The following CCDC15 variants were observed in gnomAD, a reference collection of about 807,000 sequenced individuals.
CCDC15 encodes the protein coiled-coil domain-containing protein 15.
In CCDC15, 105 loss-of-function variants were observed where a neutral mutation model predicts 114.5. The ratio of observed to expected loss-of-function variants is 0.92; its 90% confidence interval spans 0.78 to 1.08. The LOEUF is 1.08. Ranked by LOEUF, CCDC15 falls within the 50% of genes least tolerant of loss-of-function variation. The pLI is 0.00. For missense variants in CCDC15, 1,105 were observed against 1,093.6 expected, an observed-to-expected ratio of 1.01 and a Z score of -0.15; for synonymous variants, 334 against 377.8, an observed-to-expected ratio of 0.88 and a Z score of 1.34.
At chr11:125,032,059 T>A (rs1321018384) in intron 13 of CCDC15, among the ~76,000 whole-genome samples, 1 of 152,062 alleles carries the variant, frequency 6.6e-6, no homozygotes, top group Non-Finnish European at 1.5e-5. Context: ...TTTAGTCAGA[T>A]TTTTTTTCCC....
At chr11:125,005,780 C>T (rs530947322) in intron 13 of CCDC15, among the ~76,000 whole-genome samples, 2 of 152,084 alleles carry the variant, frequency 1.3e-5, no homozygotes, top group Non-Finnish European at 2.9e-5. Context: ...TTTGCCTTTT[C>T]CAGAACGTCA....
chr11:125,005,056 T>C (rs927497675), intron 12 of CCDC15, 53 bp from the exon 13 acceptor site: 6 of 787,806 alleles, frequency 7.6e-6, no homozygotes, highest in Non-Finnish European at 8.0e-6. Flanking sequence ...TTTTTCTTCC[T>C]TGGAAATTCC....
chr11:124,967,637 C>G (rs528894445), intron 4 of CCDC15, among the ~76,000 whole-genome samples: 39 of 152,336 alleles, frequency 2.6e-4, no homozygotes, highest in African/African-American at 7.9e-4. Context: ...CTTCTGCCAA[C>G]TAGTCAAAGT....
intron 13 of CCDC15, among the ~76,000 whole-genome samples, chr11:125,025,026 AT>A (rs1948686498): frequency 1.0e-5 from 1 of 100,202 alleles, no homozygotes; most frequent in East Asian, 4.5e-4. Flanking sequence ...ATATATGAAT[AT>A]ATATATGAAT....
At chr11:125,038,900 G>A in intron 14 of CCDC15, 21 bp from the exon 15 acceptor site, 1 of 1,600,620 alleles carries the variant, frequency 6.2e-7, no homozygotes, top group African/African-American at 1.3e-5. Flanking sequence ...CACTTTGCCT[G>A]ATTATACTTT....
At chr11:124,986,236 C>T (rs1948154117) in intron 6 of CCDC15, among the ~76,000 whole-genome samples, 1 of 152,124 alleles carries the variant, frequency 6.6e-6, no homozygotes, top group South Asian at 2.1e-4. Flanking sequence ...ATTACAATGT[C>T]TTGATTCCTA....
At chr11:125,007,930 G>C (rs1591606719) in intron 13 of CCDC15, among the ~76,000 whole-genome samples, 1 of 152,198 alleles carries the variant, frequency 6.6e-6, no homozygotes, top group East Asian at 1.9e-4. Context: ...AACAGTGGGT[G>C]TGGCATGTAG....
chr11:124,970,597 G>A (rs1015582745), intron 4 of CCDC15, among the ~76,000 whole-genome samples: 27 of 152,250 alleles, frequency 1.8e-4, no homozygotes, highest in African/African-American at 5.1e-4. Flanking sequence ...TGATAATAAA[G>A]TAGGTAAAAT....
Position 125,038,557 on chromosome 11 carries a change from A to C in CCDC15, c.2538A>C (p.Glu846Asp), listed in dbSNP as rs1342754058. Reference sequence around the variant, plus strand: ...TATTAGCCCAGTTACAACTTCAAGAAATAAAAGGAACCAGAGAAAAACAAC... The same window carrying C: ...TATTAGCCCAGTTACAACTTCAAGACATAAAAGGAACCAGAGAAAAACAAC... The part of the protein sequence containing the change: ...SEILAQLQLQ[E>D]IKGTREKQQR... The change falls in exon 14 of 16, where the codon GAA becomes GAC. Residue 846 changes from glutamate to aspartate, a missense_variant. Physicochemically the swap from Glu to Asp is conservative, Grantham distance 45. Coordinates refer to ENST00000344762, the MANE Select transcript of CCDC15 (RefSeq NM_025004.3). The C allele has an allele frequency of 6.3e-7, 1 of 1,579,994 alleles. No homozygotes were observed. The highest frequency in any genetic ancestry group is 8.6e-7 in the Non-Finnish European group (1 of 1,164,892).
chr11:124,974,918 T>G (rs970445985), intron 4 of CCDC15, among the ~76,000 whole-genome samples, 178 bp from the exon 5 acceptor site: 1 of 152,206 alleles, frequency 6.6e-6, no homozygotes, highest in African/African-American at 2.4e-5. Context: ...TCTAGAATAA[T>G]GACAATAATG....
At chr11:124,964,450 A>T (rs1947731540) in intron 4 of CCDC15, among the ~76,000 whole-genome samples, 1 of 152,024 alleles carries the variant, frequency 6.6e-6, no homozygotes, top group Admixed American at 6.6e-5. Context: ...TTTGTCTGTT[A>T]TTGGTGTGTC....
intron 13 of CCDC15, among the ~76,000 whole-genome samples, chr11:125,011,710 T>C (rs1327760516): frequency 6.6e-6 from 1 of 152,214 alleles, no homozygotes; most frequent in African/African-American, 2.4e-5. Flanking sequence ...TTTGCAGGAT[T>C]GGGCTCACAT....
chr11:125,025,090 A>G (rs1232282328), intron 13 of CCDC15, among the ~76,000 whole-genome samples: 2 of 80,050 alleles, frequency 2.5e-5, no homozygotes, highest in Non-Finnish European at 5.2e-5. Context: ...ATATGAATAT[A>G]TATATGAATA....
intron 4 of CCDC15, 123 bp downstream of exon 4, chr11:124,960,126 A>G (rs1947632618): frequency 3.4e-6 from 2 of 591,920 alleles, no homozygotes; most frequent in South Asian, 6.6e-5. Flanking sequence ...ACTTTTGATA[A>G]TCATCCCCCT....
chr11:124,986,877 A>C lies in CCDC15; in HGVS notation c.889A>C (p.Ser297Arg). The stretch of plus-strand genomic sequence containing the variant: ...TTCTGAAGATAAGAACAAACCTTTC[A>C]GCAGAGTTCAGGTAAAGCAATAAGA... Reference protein sequence around the residue: ...IHSEDKNKPFSRVQKVKFKNP... With the variant: ...IHSEDKNKPFRRVQKVKFKNP... Residue 297 changes from serine (S) to arginine (R), a missense_variant, in exon 7 of 16, where the codon AGC (serine) becomes CGC (arginine). Transcript: ENST00000344762. 1 of 1,552,224 alleles carries C rather than the reference A, an allele frequency of 6.4e-7. No individual in the cohort carries two copies. The highest frequency in any genetic ancestry group is 2.4e-5 in the East Asian group (1 of 42,260).
At position 125,031,365 on chromosome 11, in the gene CCDC15, G is replaced by A. The variant is rs147323871; in HGVS notation, c.2412-7066G>A. Among the ~76,000 whole-genome samples, 27 of 152,308 alleles carry A rather than the reference G, an allele frequency of 1.8e-4. No individual in the cohort carries two copies. The East Asian group carries it at 3.9e-3, about 22-fold the overall frequency. On this transcript the variant is annotated intron_variant, in intron 13 of 15. Transcript: ENST00000344762. ...GGAGAGAAGGCAGGGTAGCAGGAGTGGAGACCATGGGCATTTGAGCCACTT... is the reference window on the plus strand; with the variant it reads ...GGAGAGAAGGCAGGGTAGCAGGAGTAGAGACCATGGGCATTTGAGCCACTT...
At chr11:124,986,676 T>TGG in intron 6 of CCDC15, 66 bp from the exon 7 acceptor site, 2 of 1,366,732 alleles carry the variant, frequency 1.5e-6, no homozygotes, top group Non-Finnish European at 2.0e-6. Flanking sequence ...GCTGTGTGTG[T>TGG]GTGTGTGTGT....
intron 6 of CCDC15, 42 bp from the exon 7 acceptor site, chr11:124,986,700 T>TGTGTGTGTCCGCGCGCGC: frequency 7.4e-7 from 1 of 1,351,590 alleles, no homozygotes; most frequent in South Asian, 1.5e-5. Context: ...TTTGTGTGTG[T>TGTGTGTGTCCGCGCGCGC]GCGCGCGCGC....
chr11:125,005,175 C>A lies in CCDC15; in HGVS notation c.2374C>A (p.Gln792Lys). The change falls in exon 13 of 16, where the codon CAA becomes AAA. Residue 792 changes from glutamine to lysine, a missense_variant. Gln to Lys is a moderately conservative substitution (Grantham distance 53). Coordinates refer to ENST00000344762, the MANE Select transcript of CCDC15 (RefSeq NM_025004.3). The part of the protein sequence containing the change: ...MDIEREQVKE[Q>K]QRQKEQKKKI... Reference sequence around the variant, plus strand: ...TATTGAGAGAGAACAAGTTAAAGAACAACAAAGGCAAAAAGAACAAAAGAA... The same window carrying A: ...TATTGAGAGAGAACAAGTTAAAGAAAAACAAAGGCAAAAAGAACAAAAGAA... 1 of 1,564,376 alleles carries A rather than the reference C, an allele frequency of 6.4e-7. No homozygotes were observed. Among genetic ancestry groups the A allele is most frequent in the Non-Finnish European group, 8.7e-7 (1 of 1,147,498 alleles).
Sources: allele counts gnomAD v4.1 joint callset (sites outside exome capture counted in the v4.1 genomes callset), GRCh38; gene constraint gnomAD v4.1.1; transcripts MANE v1.5; gene names NCBI Gene and HGNC (gene_info 2026-07-23, HGNC 2026-07-21).